Variants in ROBO2 observed in about 807,000 individuals in gnomAD.
ROBO2 encodes roundabout homolog 2.
ROBO2 carries 53 observed loss-of-function variants against 160.8 expected under a neutral mutation model. The observed-to-expected ratio is 0.33, with a 90% CI of 0.26 to 0.41. ROBO2 has a LOEUF of 0.41. ROBO2 is among the 10% of genes least tolerant of loss of function. The probability of loss-of-function intolerance (pLI) is 1.00; values close to 1 mark genes in which losing one functional copy is unlikely to be tolerated. For synonymous variants in ROBO2, 664 were observed against 611.7 expected (o/e 1.09, Z -1.26); for missense variants, 1,577 against 1,722.4 (o/e 0.92, Z 1.49).
chr3:76,103,877 C>G (rs183610437), intron 2 of ROBO2, among the ~76,000 whole-genome samples: 5 of 152,244 alleles, frequency 3.3e-5, no homozygotes, highest in African/African-American at 9.6e-5. Context: ...TGACGCAGTG[C>G]TTATGCCGAA....
chr3:76,604,065 TTA>T (rs1236601795), intron 2 of ROBO2, among the ~76,000 whole-genome samples: 3 of 152,176 alleles, frequency 2.0e-5, no homozygotes, highest in African/African-American at 7.2e-5. Flanking sequence ...AATACATTGA[TTA>T]TATGAGTAGA....
At chr3:76,317,510 G>A (rs1025566501) in intron 2 of ROBO2, among the ~76,000 whole-genome samples, 1 of 152,064 alleles carries the variant, frequency 6.6e-6, no homozygotes, top group African/African-American at 2.4e-5. Context: ...TGTGAGATTG[G>A]GAATCTGGAA....
chr3:77,562,347 G>T (rs145518831), intron 9 of ROBO2, among the ~76,000 whole-genome samples: 3 of 152,160 alleles, frequency 2.0e-5, no homozygotes, highest in Middle Eastern at 3.4e-3. Flanking sequence ...GCCATAAAAT[G>T]GAGTTAAGAG....
intron 2 of ROBO2, among the ~76,000 whole-genome samples, chr3:76,219,635 T>G (rs1182486775): frequency 1.8e-4 from 28 of 152,136 alleles, no homozygotes. Context: ...AGATACCATC[T>G]CACACCAGTT....
intron 2 of ROBO2, among the ~76,000 whole-genome samples, chr3:76,173,298 TAA>T (rs2073111394): frequency 6.6e-6 from 1 of 151,990 alleles, no homozygotes; most frequent in Non-Finnish European, 1.5e-5. Context: ...CAAATTCAGA[TAA>T]GTCTATCTAA....
intron 2 of ROBO2, among the ~76,000 whole-genome samples, chr3:76,382,869 G>A (rs2076705898): frequency 6.6e-6 from 1 of 152,168 alleles, no homozygotes. Flanking sequence ...ACCTTCAAGG[G>A]TGGTTCAGCT....
intron 2 of ROBO2, among the ~76,000 whole-genome samples, chr3:77,451,446 G>A (rs1047821958): frequency 6.6e-6 from 1 of 151,974 alleles, no homozygotes; most frequent in Non-Finnish European, 1.5e-5. Context: ...TTGGCTTAAT[G>A]TCCTCATGAG....
intron 2 of ROBO2, among the ~76,000 whole-genome samples, chr3:76,494,895 T>C (rs1056939723): frequency 6.6e-6 from 1 of 152,154 alleles, no homozygotes; most frequent in Non-Finnish European, 1.5e-5. Flanking sequence ...CTGGAGGAAG[T>C]AGACAATTAG....
At chr3:76,256,543 C>CA (rs1208177517) in intron 2 of ROBO2, among the ~76,000 whole-genome samples, 1 of 151,524 alleles carries the variant, frequency 6.6e-6, no homozygotes, top group African/African-American at 2.4e-5. Context: ...CCTGTCTCTA[C>CA]AAAAAATAAA....
intron 6 of ROBO2, among the ~76,000 whole-genome samples, chr3:77,533,213 C>A (rs531910887): frequency 6.6e-6 from 1 of 152,012 alleles, no homozygotes; most frequent in South Asian, 2.1e-4. Flanking sequence ...ACAGAATCAC[C>A]CTTTTTAAGT....
intron 2 of ROBO2, among the ~76,000 whole-genome samples, chr3:76,598,536 T>G (rs747687085): frequency 1.6e-4 from 24 of 152,154 alleles, no homozygotes; most frequent in Non-Finnish European, 2.9e-4. Context: ...TACGGTTTTA[T>G]AAAATGTTAC....
intron 2 of ROBO2, among the ~76,000 whole-genome samples, chr3:76,486,171 T>C (rs1290562943): frequency 6.6e-6 from 1 of 152,108 alleles, no homozygotes; most frequent in Non-Finnish European, 1.5e-5. Context: ...CTCCAAAGTG[T>C]GACATAAATA....
chr3:77,537,360 C>G (rs1030378010), intron 6 of ROBO2, among the ~76,000 whole-genome samples: 3 of 152,032 alleles, frequency 2.0e-5, no homozygotes, highest in Non-Finnish European at 4.4e-5. Context: ...TGTTTCTAAA[C>G]TGTAAAGAGT....
At chr3:76,520,400 G>A (rs543407246) in intron 2 of ROBO2, among the ~76,000 whole-genome samples, 9 of 152,216 alleles carry the variant, frequency 5.9e-5, no homozygotes, top group Admixed American at 4.6e-4. Flanking sequence ...GCAGTGAGCC[G>A]AGATTGTGCC....
chr3:76,491,341 C>T (rs903924007), intron 2 of ROBO2, among the ~76,000 whole-genome samples: 2 of 152,236 alleles, frequency 1.3e-5, no homozygotes, highest in African/African-American at 4.8e-5. Flanking sequence ...CTCAGTCTTC[C>T]TCTCATCTTG....
intron 2 of ROBO2, among the ~76,000 whole-genome samples, chr3:76,316,831 T>A (rs559759554): frequency 7.9e-5 from 12 of 152,306 alleles, no homozygotes; most frequent in African/African-American, 2.9e-4. Context: ...ACAATTTATG[T>A]TCCTCGGCCG....
intron 2 of ROBO2, among the ~76,000 whole-genome samples, chr3:76,642,239 A>G (rs2090717624): frequency 6.6e-6 from 1 of 151,298 alleles, no homozygotes; most frequent in Non-Finnish European, 1.5e-5. Flanking sequence ...GCACCAAGTT[A>G]GAACATTCCA....
At chr3:77,023,364 A>G (rs1288342241) in intron 2 of ROBO2, among the ~76,000 whole-genome samples, 1 of 152,178 alleles carries the variant, frequency 6.6e-6, no homozygotes, top group African/African-American at 2.4e-5. Flanking sequence ...TGTTTTTATC[A>G]GCAGCATGAA....
intron 2 of ROBO2, among the ~76,000 whole-genome samples, chr3:76,256,575 A>G (rs1230671772): frequency 1.3e-5 from 2 of 150,914 alleles, no homozygotes; most frequent in African/African-American, 4.9e-5. Flanking sequence ...GTCAGGCTTG[A>G]TGATAGTGGT....
Sources: gnomAD v4.1 joint callset for allele counts (sites outside exome capture counted in the v4.1 genomes callset) on GRCh38, gnomAD v4.1.1 for gene constraint, MANE v1.5 for transcripts, NCBI Gene and HGNC (gene_info 2026-07-23, HGNC 2026-07-21) for gene names.